The following ST8SIA1 variants were observed in gnomAD, a reference collection of about 807,000 sequenced individuals.
ST8SIA1 encodes ST8 alpha-N-acetyl-neuraminide alpha-2,8-sialyltransferase 1.
Under a neutral mutation model 35.9 loss-of-function variants are expected in ST8SIA1, and 16 were observed. The ratio of observed to expected loss-of-function variants is 0.45; its 90% CI spans 0.30 to 0.68. The LOEUF (loss-of-function observed/expected upper bound fraction) is 0.68. ST8SIA1 is among the 30% of genes least tolerant of loss of function. The probability of loss-of-function intolerance (pLI) is 0.09; values close to 1 mark genes in which losing one functional copy is unlikely to be tolerated. For missense variants in ST8SIA1, 383 were observed against 453.6 expected, an observed-to-expected ratio of 0.84 and a Z score of 1.41; for synonymous variants, 170 against 169.6, an observed-to-expected ratio of 1.00 and a Z score of -0.02.
chr12:22,321,040 G>T (rs547590721), intron 1 of ST8SIA1, among the ~76,000 whole-genome samples: 1,187 of 74,036 alleles, frequency 0.016, 29 homozygotes, highest in African/African-American at 0.054. Context: ...GAAAGAGAAA[G>T]AGAAAGAAAA....
chr12:22,201,518 T>C lies in ST8SIA1; in HGVS notation c.*34A>G, dbSNP rs988307190. 6.5e-7 allele frequency: 1 copy of C among 1,546,148 alleles called. No homozygotes were observed. Among genetic ancestry groups the C allele is most frequent in the African/African-American group, 1.4e-5 (1 of 72,658 alleles). On this transcript the variant is annotated 3_prime_UTR_variant, in exon 5 of 5. Transcript: ENST00000396037. Reference sequence around the variant, plus strand: ...AGTCACATAGAAAACCTAACAAAAATACCCTGGTTCAGTCCTTTCTTCTTC... The same window carrying C: ...AGTCACATAGAAAACCTAACAAAAACACCCTGGTTCAGTCCTTTCTTCTTC...
chr12:22,334,525 C>A lies in ST8SIA1; in HGVS notation c.-293G>T. On this transcript the variant is annotated 5_prime_UTR_variant, in exon 1 of 5. Transcript: ENST00000396037. ...AGGCGGGCGCTGGGGTCTCCGAGTG[C>A]GCAGAGAGCGGCGGCGGCGAGTCGC... 3 of 466,928 alleles carry A rather than the reference C, an allele frequency of 6.4e-6. No homozygotes were observed. The highest frequency in any genetic ancestry group is 7.7e-6 in the Non-Finnish European group (2 of 259,504). The allele number at this position is 466,928 out of a possible 1,614,324, so 28.9% of individuals were successfully genotyped here.
chr12:22,250,405 A>G (rs1228532396), intron 3 of ST8SIA1, among the ~76,000 whole-genome samples: 1 of 152,242 alleles, frequency 6.6e-6, no homozygotes, highest in Non-Finnish European at 1.5e-5. Context: ...CAGAAATAGC[A>G]TACAAAAATA....
At chr12:22,279,630 C>A (rs142025887) in intron 2 of ST8SIA1, among the ~76,000 whole-genome samples, 2 of 152,344 alleles carry the variant, frequency 1.3e-5, no homozygotes, top group Admixed American at 6.5e-5. Flanking sequence ...TTCATCTCTG[C>A]ATTCTGCATA....
At chr12:22,244,584 G>A (rs1398085212) in intron 4 of ST8SIA1, among the ~76,000 whole-genome samples, 1 of 152,058 alleles carries the variant, frequency 6.6e-6, no homozygotes, top group Non-Finnish European at 1.5e-5. Flanking sequence ...AGCCTCCCAA[G>A]TAGCTGGGAC....
intron 4 of ST8SIA1, among the ~76,000 whole-genome samples, chr12:22,206,353 A>T (rs1327928741): frequency 2.0e-5 from 3 of 152,148 alleles, no homozygotes; most frequent in Admixed American, 6.5e-5. Flanking sequence ...GAGGCAGGAG[A>T]TACTAGGGAA....
At position 22,219,568 on chromosome 12, in the gene ST8SIA1, C is replaced by T. The variant is rs371142783; in HGVS notation, c.585-17530G>A. Among the ~76,000 whole-genome samples, 6 of 152,052 alleles carry T rather than the reference C, an allele frequency of 3.9e-5. No individual in the cohort carries two copies. The East Asian group carries it at 5.8e-4, about 15-fold the overall frequency. On this transcript the variant is annotated intron_variant, in intron 4 of 4. Transcript: ENST00000396037. ...TCACCTTGCCTTTGGTTAGGTGACC[C>T]GGCAGGTTGATTGTTGTCTACCACA...
intron 4 of ST8SIA1, among the ~76,000 whole-genome samples, chr12:22,245,052 A>G (rs1301824258): frequency 2.0e-5 from 3 of 152,170 alleles, no homozygotes; most frequent in Non-Finnish European, 4.4e-5. Context: ...GCTTTTTAAT[A>G]AGTCTTAACA....
chr12:22,277,366 CTTTT>C lies in ST8SIA1; in HGVS notation c.381+9779_381+9782del, dbSNP rs34650104. On this transcript the variant is annotated intron_variant, in intron 2 of 4. Transcript: ENST00000396037. ...AGAAAGGCAAATTCATAATAGTGAA[CTTTT>C]TTTTTTTTTTTTTTTTGAGATGGAG... is the stretch of plus-strand genomic sequence containing the variant. 4.8e-3 allele frequency among the ~76,000 whole-genome samples: 596 copies of C among 124,816 alleles called. 3 individuals carry two copies. The highest frequency in any genetic ancestry group is 0.018 in the African/African-American group (575 of 32,636). 81.9% of individuals were successfully genotyped at this position (124,816 alleles called of 152,430 possible).
At chr12:22,331,918 T>C (rs1270536960) in intron 1 of ST8SIA1, among the ~76,000 whole-genome samples, 1 of 152,206 alleles carries the variant, frequency 6.6e-6, no homozygotes, top group Non-Finnish European at 1.5e-5. Flanking sequence ...AGGCAACCAT[T>C]TTCTGGGTAC....
chr12:22,213,598 T>C (rs994697017), intron 4 of ST8SIA1, among the ~76,000 whole-genome samples: 21 of 152,136 alleles, frequency 1.4e-4, no homozygotes, highest in African/African-American at 4.8e-4. Flanking sequence ...GGCAAGGGCA[T>C]GTGGTAAGAG....
chr12:22,206,180 A>C (rs951031233), intron 4 of ST8SIA1, among the ~76,000 whole-genome samples: 8 of 152,224 alleles, frequency 5.3e-5, no homozygotes, highest in Non-Finnish European at 1.0e-4. Context: ...ATAAGTTTTT[A>C]AAAATCTATC....
chr12:22,270,958 G>C (rs999209204), intron 2 of ST8SIA1, among the ~76,000 whole-genome samples: 1 of 152,146 alleles, frequency 6.6e-6, no homozygotes, highest in Admixed American at 6.5e-5. Context: ...AGTTCATTGT[G>C]CCTTTTTTCC....
intron 1 of ST8SIA1, among the ~76,000 whole-genome samples, chr12:22,328,867 C>A (rs980384331): frequency 6.6e-6 from 1 of 152,128 alleles, no homozygotes; most frequent in African/African-American, 2.4e-5. Flanking sequence ...GAGAAATGAG[C>A]AATGAAGGCT....
At chr12:22,231,701 G>C (rs1865423882) in intron 4 of ST8SIA1, among the ~76,000 whole-genome samples, 1 of 151,834 alleles carries the variant, frequency 6.6e-6, no homozygotes, top group Admixed American at 6.6e-5. Flanking sequence ...AGCCCCCCGA[G>C]TAGCTGGGAC....
chr12:22,280,201 C>T (rs1866017249), intron 2 of ST8SIA1, among the ~76,000 whole-genome samples: 1 of 152,138 alleles, frequency 6.6e-6, no homozygotes, highest in South Asian at 2.1e-4. Flanking sequence ...ACAGAGGCTT[C>T]CTAGTATCCA....
rs539926533 is a variant in ST8SIA1 at position 22,278,338 on chromosome 12, T to C, written c.381+8811A>G. Among the ~76,000 whole-genome samples, 18 of 152,366 alleles carry C rather than the reference T, an allele frequency of 1.2e-4. No individual in the cohort carries two copies. The South Asian group carries it at 3.1e-3, about 26-fold the overall frequency. On this transcript the variant is annotated intron_variant, in intron 2 of 4. Coordinates refer to ENST00000396037, the MANE Select transcript of ST8SIA1 (RefSeq NM_003034.4). ...CTGAACTTTTTTGGATTTTAAAATA[T>C]CCTCAAACAATCTCCATGTCAGGCA...
chr12:22,241,733 T>C (rs1457986927), intron 4 of ST8SIA1, among the ~76,000 whole-genome samples: 2 of 150,584 alleles, frequency 1.3e-5, no homozygotes. Context: ...ATTTATAAAA[T>C]CCCTTCCATG....
intron 1 of ST8SIA1, among the ~76,000 whole-genome samples, chr12:22,307,685 A>AT (rs1426931182): frequency 6.6e-6 from 1 of 152,182 alleles, no homozygotes; most frequent in Non-Finnish European, 1.5e-5. Flanking sequence ...TCCTAATCAG[A>AT]TATCACTAGG....
Sources: gnomAD v4.1 joint callset for allele counts (sites outside exome capture counted in the v4.1 genomes callset) on GRCh38, gnomAD v4.1.1 for gene constraint, MANE v1.5 for transcripts, NCBI Gene and HGNC (gene_info 2026-07-23, HGNC 2026-07-21) for gene names.